Variants in MGAT4C observed in about 807,000 individuals in gnomAD.
The protein encoded by MGAT4C is alpha-1,3-mannosyl-glycoprotein 4-beta-N-acetylglucosaminyltransferase C.
In MGAT4C, 19 loss-of-function variants were observed where a neutral mutation model predicts 40.1. That is an observed-to-expected ratio of 0.47 (90% CI 0.33 to 0.70). MGAT4C has a LOEUF of 0.70. MGAT4C is among the 30% of genes least tolerant of loss of function. The probability of loss-of-function intolerance (pLI) is 0.02; values close to 1 mark genes in which losing one functional copy is unlikely to be tolerated. For synonymous variants in MGAT4C, 181 were observed against 187.1 expected (o/e 0.97, Z 0.27); for missense variants, 491 against 563.2 (o/e 0.87, Z 1.30).
chr12:86,225,795 TA>T (rs1173222362), intron 1 of MGAT4C, among the ~76,000 whole-genome samples: 1 of 152,040 alleles, frequency 6.6e-6, no homozygotes, highest in Non-Finnish European at 1.5e-5. Context: ...AACATACCTC[TA>T]AATAATAAAG....
intron 4 of MGAT4C, among the ~76,000 whole-genome samples, chr12:86,315,321 A>G (rs962644809): frequency 1.3e-5 from 2 of 152,210 alleles, no homozygotes; most frequent in Middle Eastern, 3.2e-3. Flanking sequence ...GTGCAGAAGA[A>G]TGAAACTGGA....
chr12:86,280,682 A>G (rs929743417), intron 4 of MGAT4C, among the ~76,000 whole-genome samples: 2 of 145,666 alleles, frequency 1.4e-5, no homozygotes, highest in Non-Finnish European at 3.0e-5. Flanking sequence ...TAGTTTACAC[A>G]TTTTGAATTT....
intron 2 of MGAT4C, among the ~76,000 whole-genome samples, chr12:86,516,572 A>G (rs1259907207): frequency 1.3e-5 from 2 of 152,146 alleles, no homozygotes; most frequent in Admixed American, 1.3e-4. Flanking sequence ...TTTTTTTTCT[A>G]ATATGAGACC....
At chr12:86,635,420 T>C (rs1053755900) in intron 2 of MGAT4C, among the ~76,000 whole-genome samples, 1 of 152,014 alleles carries the variant, frequency 6.6e-6, no homozygotes, top group Non-Finnish European at 1.5e-5. Flanking sequence ...TTACATAGTA[T>C]AGAAACAGTA....
intron 1 of MGAT4C, among the ~76,000 whole-genome samples, chr12:86,792,655 G>T (rs1952044579): frequency 6.6e-6 from 1 of 152,130 alleles, no homozygotes. Context: ...GTTGTGGCCG[G>T]GCGCAGTGGC....
At chr12:86,345,353 C>T (rs1464835335) in intron 3 of MGAT4C, among the ~76,000 whole-genome samples, 1 of 151,746 alleles carries the variant, frequency 6.6e-6, no homozygotes, top group Admixed American at 6.6e-5. Flanking sequence ...TATACATGTG[C>T]CATGTTGGTG....
At chr12:86,088,037 G>A (rs2135560653) in intron 1 of MGAT4C, among the ~76,000 whole-genome samples, 1 of 151,924 alleles carries the variant, frequency 6.6e-6, no homozygotes, top group East Asian at 1.9e-4. Flanking sequence ...CAGACACATA[G>A]ACCAACAGAA....
intron 2 of MGAT4C, among the ~76,000 whole-genome samples, chr12:86,710,323 C>A (rs1391277744): frequency 6.6e-6 from 1 of 152,110 alleles, no homozygotes; most frequent in Admixed American, 6.6e-5. Context: ...TAAGCAATTT[C>A]TTTAAAGTTA....
intron 2 of MGAT4C, among the ~76,000 whole-genome samples, chr12:86,502,918 C>CAT (rs754071188): frequency 0.014 from 11 of 790 alleles, no homozygotes; most frequent in Non-Finnish European, 0.016. Context: ...GAGTTCTGCT[C>CAT]ATATATATAT....
intron 1 of MGAT4C, among the ~76,000 whole-genome samples, chr12:86,132,366 T>C (rs1230923780): frequency 6.7e-6 from 1 of 149,832 alleles, no homozygotes; most frequent in African/African-American, 2.4e-5. Flanking sequence ...ACGATTCTCT[T>C]TTTTTTTGCC....
At chr12:86,706,319 C>T (rs1050950964) in intron 2 of MGAT4C, among the ~76,000 whole-genome samples, 3 of 152,052 alleles carry the variant, frequency 2.0e-5, no homozygotes, top group African/African-American at 7.2e-5. Flanking sequence ...ATAAGAATAT[C>T]AATTCTGAGA....
chr12:85,979,245 G>C lies in MGAT4C; in HGVS notation c.*44C>G, dbSNP rs750217452. 6.8e-7 allele frequency: 1 copy of C among 1,460,222 alleles called. No homozygotes were observed. The highest frequency in any genetic ancestry group is 9.2e-7 in the Non-Finnish European group (1 of 1,083,022). The allele number at this position is 1,460,222 out of a possible 1,614,324, so 90.5% of individuals were successfully genotyped here. On this transcript the variant is annotated 3_prime_UTR_variant, in exon 5 of 5. Transcript: ENST00000611864. The stretch of plus-strand genomic sequence containing the variant: ...AAAGACAAAGGTAGCAAAAGACGAA[G>C]CAGGAAGAACTGCTTCAGAAACTGA...
At chr12:86,540,480 G>T (rs905040393) in intron 2 of MGAT4C, among the ~76,000 whole-genome samples, 1 of 152,204 alleles carries the variant, frequency 6.6e-6, no homozygotes, top group African/African-American at 2.4e-5. Context: ...GCTCATGCCG[G>T]TAATTCCAGC....
At chr12:86,661,054 G>A (rs1475900972) in intron 2 of MGAT4C, among the ~76,000 whole-genome samples, 1 of 152,094 alleles carries the variant, frequency 6.6e-6, no homozygotes, top group Non-Finnish European at 1.5e-5. Context: ...ACACCCTCTG[G>A]GGAAGTCAGA....
At chr12:86,664,278 T>C (rs1964048226) in intron 2 of MGAT4C, among the ~76,000 whole-genome samples, 1 of 152,144 alleles carries the variant, frequency 6.6e-6, no homozygotes, top group African/African-American at 2.4e-5. Flanking sequence ...CCTTCCTTTC[T>C]TCTTCCTTAC....
chr12:86,361,449 T>C (rs771011534), intron 3 of MGAT4C, among the ~76,000 whole-genome samples: 14 of 152,068 alleles, frequency 9.2e-5, no homozygotes, highest in Non-Finnish European at 2.1e-4. Flanking sequence ...GACTAAAACA[T>C]CAAAAGCAAT....
chr12:86,068,108 C>G (rs1894735903), intron 1 of MGAT4C: 2 of 152,178 alleles, frequency 1.3e-5, no homozygotes. Context: ...ATGTTCTTTT[C>G]TCATACCTTA....
intron 1 of MGAT4C, among the ~76,000 whole-genome samples, chr12:86,159,125 A>G (rs1284207041): frequency 6.6e-6 from 1 of 152,068 alleles, no homozygotes; most frequent in African/African-American, 2.4e-5. Flanking sequence ...CTCAAGGGAA[A>G]TGGTTTGAGC....
At chr12:86,712,105 A>G (rs1028584510) in intron 2 of MGAT4C, among the ~76,000 whole-genome samples, 8 of 152,160 alleles carry the variant, frequency 5.3e-5, no homozygotes, top group African/African-American at 1.4e-4. Context: ...CATTTCATTT[A>G]TTTATTAAAT....
Sources: gnomAD v4.1 joint callset for allele counts (sites outside exome capture counted in the v4.1 genomes callset) on GRCh38, gnomAD v4.1.1 for gene constraint, MANE v1.5 for transcripts, NCBI Gene and HGNC (gene_info 2026-07-23, HGNC 2026-07-21) for gene names.